The following DPP3 variants were observed in gnomAD, a reference collection of about 807,000 sequenced individuals.
DPP3 encodes DPP III.
DPP3 carries 64 observed loss-of-function variants against 89.8 expected under a neutral mutation model. The observed-to-expected ratio is 0.71, with a 90% CI of 0.58 to 0.88. The LOEUF is 0.88. Among genes scored for constraint, DPP3 ranks in the 40% least tolerant of loss-of-function variants. The pLI, the probability that DPP3 is intolerant of heterozygous loss-of-function variation, is 0.00. For synonymous variants in DPP3, 377 were observed against 404.3 expected, an observed-to-expected ratio of 0.93 and a Z score of 0.81; for missense variants, 835 against 972.5, an observed-to-expected ratio of 0.86 and a Z score of 1.88.
In DPP3 at chr11:66,491,394, C is replaced by T; in HGVS notation, c.798+11C>T. 1 of 1,612,864 alleles carries T rather than the reference C, an allele frequency of 6.2e-7. No individual in the cohort carries two copies. Among genetic ancestry groups the T allele is most frequent in the African/African-American group, 1.3e-5 (1 of 75,010 alleles). On this transcript the variant is annotated intron_variant, in intron 7 of 17. Coordinates refer to ENST00000531863, the MANE Select transcript of DPP3 (RefSeq NM_130443.4). Reference sequence around the variant, plus strand: ...CTGGAGAAAGCCAAGGTTGGACTGGCTGGGGGCTGAGGGGTGCGGGCTGAG... The same window carrying T: ...CTGGAGAAAGCCAAGGTTGGACTGGTTGGGGGCTGAGGGGTGCGGGCTGAG...
chr11:66,509,058 T>C (rs1855876204), intron 17 of DPP3, 21 bp from the exon 18 acceptor site: 18 of 1,612,192 alleles, frequency 1.1e-5, no homozygotes, highest in Non-Finnish European at 1.2e-5. Flanking sequence ...CCCTGCTGTT[T>C]TCTCTCCATC....
intron 15 of DPP3, among the ~76,000 whole-genome samples, chr11:66,496,466 G>A (rs1855539655): frequency 6.6e-6 from 1 of 151,328 alleles, no homozygotes; most frequent in Non-Finnish European, 1.5e-5. Context: ...CCAGGCTGGA[G>A]TGCAGTGGCA....
chr11:66,496,411 T>G (rs1431953555), intron 15 of DPP3, among the ~76,000 whole-genome samples: 2 of 151,226 alleles, frequency 1.3e-5, no homozygotes, highest in Non-Finnish European at 3.0e-5. Context: ...CCGGCTAATT[T>G]TTTGTATTTT....
At position 66,493,167 on chromosome 11, in the gene DPP3, G is replaced by A. The variant is rs1184763875; in HGVS notation, c.1284G>A (p.Glu428=). The change falls in exon 11 of 18, where the codon GAG becomes GAA. Residue 428 remains glutamate (E), a synonymous_variant. Transcript: ENST00000531863. ...ATQREKLTFL[E]EDDKDLYILW... ...AGCGGGAGAAGCTTACCTTTCTGGAGGAGGATGACAAGGTGGGCGCCAGCA... is the reference window on the plus strand; with the variant it reads ...AGCGGGAGAAGCTTACCTTTCTGGAAGAGGATGACAAGGTGGGCGCCAGCA... 1 of 1,613,868 alleles carries A rather than the reference G, an allele frequency of 6.2e-7. No homozygotes were observed. Among genetic ancestry groups the A allele is most frequent in the Admixed American group, 1.7e-5 (1 of 60,014 alleles).
chr11:66,504,155 G>A (rs1387692631), intron 16 of DPP3, among the ~76,000 whole-genome samples: 2 of 151,358 alleles, frequency 1.3e-5, no homozygotes, highest in Non-Finnish European at 2.9e-5. Flanking sequence ...GAGACGAGAC[G>A]GGGTCTCACT....
At position 66,482,265 on chromosome 11, in the gene DPP3, C is replaced by T. The variant is rs142478050; in HGVS notation, c.65C>T (p.Ala22Val). ...IGVSSLDCREAFRLLSPTERL... is the reference protein window; with the variant it reads ...IGVSSLDCREVFRLLSPTERL... Reference sequence around the variant, plus strand: ...GTGTCTAGCCTGGACTGCCGTGAGGCCTTCCGCCTGCTGTCACCCACAGAG... The same window carrying T: ...GTGTCTAGCCTGGACTGCCGTGAGGTCTTCCGCCTGCTGTCACCCACAGAG... Residue 22 changes from alanine to valine, a missense_variant, in exon 2 of 18, where the codon GCC (alanine) becomes GTC (valine). Physicochemically the swap from Ala to Val is moderately conservative, Grantham distance 64. Transcript: ENST00000531863. The T allele has an allele frequency of 1.0e-3, 1,640 of 1,614,072 alleles. 1 individual carries two copies. Among genetic ancestry groups the T allele is most frequent in the Non-Finnish European group, 1.3e-3 (1,542 of 1,180,052 alleles).
chr11:66,506,769 T>G (rs1282310882), intron 17 of DPP3, among the ~76,000 whole-genome samples: 1 of 152,136 alleles, frequency 6.6e-6, no homozygotes, highest in Non-Finnish European at 1.5e-5. Context: ...ATGATCTTCC[T>G]CCAGATCTTT....
intron 9 of DPP3, 149 bp from the exon 10 acceptor site, chr11:66,492,567 G>T: frequency 1.1e-6 from 1 of 921,938 alleles, no homozygotes; most frequent in Non-Finnish European, 1.6e-6. Context: ...ACCCAGTAGG[G>T]CCCAGGCCTG....
Position 66,486,560 on chromosome 11 carries a change from C to A in DPP3, c.381C>A (p.Ile127=), listed in dbSNP as rs76983925. ...NLPKEKLERV[I]LGSEAAQQHP... ...TGCAGGAAAAGCTGGAACGGGTGATCCTAGGGAGTGAGGCTGCTCAGCAGC... is the reference window on the plus strand; with the variant it reads ...TGCAGGAAAAGCTGGAACGGGTGATACTAGGGAGTGAGGCTGCTCAGCAGC... The change falls in exon 4 of 18, where the codon ATC becomes ATA. Residue 127 remains isoleucine (I), a synonymous_variant. Coordinates refer to ENST00000531863, the MANE Select transcript of DPP3 (RefSeq NM_130443.4). 6 of 1,550,972 alleles carry A rather than the reference C, an allele frequency of 3.9e-6. No individual in the cohort carries two copies. The East Asian group carries it at 1.5e-4, about 38-fold the overall frequency.
intron 16 of DPP3, among the ~76,000 whole-genome samples, chr11:66,499,908 T>C (rs1393666026): frequency 2.0e-5 from 3 of 152,114 alleles, no homozygotes; most frequent in Admixed American, 1.3e-4. Flanking sequence ...AACTTTCTCA[T>C]AGGTGTGTAT....
At chr11:66,497,011 G>A (rs1855556241) in intron 15 of DPP3, among the ~76,000 whole-genome samples, 2 of 152,332 alleles carry the variant, frequency 1.3e-5, no homozygotes, top group Admixed American at 1.3e-4. Flanking sequence ...AGGGATCACA[G>A]TGGGTGACAT....
intron 6 of DPP3, among the ~76,000 whole-genome samples, chr11:66,490,875 T>A (rs1855364667): frequency 6.6e-6 from 1 of 151,292 alleles, no homozygotes; most frequent in African/African-American, 2.4e-5. Flanking sequence ...GTTCAAGCGA[T>A]TCTCTTGCCT....
In DPP3 at chr11:66,493,634, G is replaced by A; in HGVS notation, c.1389+1G>A. On this transcript the variant is annotated splice_donor_variant, in intron 12 of 17. Transcript: ENST00000531863. LOFTEE classifies it high-confidence loss of function. Reference sequence around the variant, plus strand: ...TGGCAGTGGCAAGCTCTTCGTACAGGTGAGAAGGCAGTGGCCAGCCCTGGC... The same window carrying A: ...TGGCAGTGGCAAGCTCTTCGTACAGATGAGAAGGCAGTGGCCAGCCCTGGC... 6.2e-7 allele frequency: 1 copy of A among 1,609,690 alleles called. No homozygotes were observed. Among genetic ancestry groups the A allele is most frequent in the Non-Finnish European group, 8.5e-7 (1 of 1,178,610 alleles).
rs1337060873 is a variant in DPP3, at chr11:66,491,706, G to C, written c.938G>C (p.Gly313Ala). ...GCCCTTCTCTCCCCCAGTTACATCG[G>C]GTTCATCGAGAGCTACCGCGACCCC... ...DKGPIVESYI[G>A]FIESYRDPFG... Residue 313 changes from glycine to alanine, a missense_variant, in exon 9 of 18, where the codon GGG (glycine) becomes GCG (alanine). Gly to Ala is a moderately conservative substitution (Grantham distance 60, BLOSUM62 0). Transcript: ENST00000531863. 4.3e-6 allele frequency: 7 copies of C among 1,613,082 alleles called. No individual in the cohort carries two copies. Among genetic ancestry groups the C allele is most frequent in the South Asian group, 1.1e-5 (1 of 91,016 alleles).
At chr11:66,506,851 C>T (rs2134756392) in intron 17 of DPP3, among the ~76,000 whole-genome samples, 1 of 152,130 alleles carries the variant, frequency 6.6e-6, no homozygotes, top group East Asian at 1.9e-4. Flanking sequence ...TCTCTGACCC[C>T]TCCACCTAAA....
chr11:66,506,665 A>G (rs989321949), intron 17 of DPP3, among the ~76,000 whole-genome samples: 16 of 151,866 alleles, frequency 1.1e-4, no homozygotes, highest in Admixed American at 6.6e-4. Context: ...TCTCTGGCTC[A>G]CTGTACTCCA....
At chr11:66,506,343 C>T (rs1855801133) in intron 17 of DPP3, among the ~76,000 whole-genome samples, 1 of 152,106 alleles carries the variant, frequency 6.6e-6, no homozygotes, top group Non-Finnish European at 1.5e-5. Flanking sequence ...CAATCTCTGC[C>T]TCCCGGGTTC....
At chr11:66,496,398 C>T (rs1379131340) in intron 15 of DPP3, among the ~76,000 whole-genome samples, 1 of 151,670 alleles carries the variant, frequency 6.6e-6, no homozygotes. Flanking sequence ...CGCACCACCA[C>T]ACCCGGCTAA....
intron 17 of DPP3, among the ~76,000 whole-genome samples, chr11:66,507,474 AAAT>A (rs1326810743): frequency 6.6e-6 from 1 of 151,924 alleles, no homozygotes; most frequent in Middle Eastern, 3.4e-3. Context: ...CTAAAAAAAA[AAAT>A]AATAATAATA....
Sources: allele counts gnomAD v4.1 joint callset (sites outside exome capture counted in the v4.1 genomes callset), GRCh38; gene constraint gnomAD v4.1.1; transcripts MANE v1.5; gene names NCBI Gene and HGNC (gene_info 2026-07-23, HGNC 2026-07-21).